The following LSS variants were observed in gnomAD, a reference collection of about 807,000 sequenced individuals.
LSS encodes the protein 2,3-epoxysqualene-lanosterol cyclase.
Under a neutral mutation model 110.3 loss-of-function variants are expected in LSS, and 90 were observed. The observed-to-expected ratio is 0.82, with a 90% CI of 0.69 to 0.97. The LOEUF is 0.97. Among genes scored for constraint, LSS ranks in the 50% least tolerant of loss-of-function variants. LSS has a pLI of 0.00. For synonymous variants in LSS, 433 were observed against 400.0 expected (o/e 1.08, Z -0.98); for missense variants, 927 against 990.0 (o/e 0.94, Z 0.85).
intron 3 of LSS, chr21:46,225,246 A>C (rs755113305): frequency 2.0e-5 from 6 of 298,084 alleles, no homozygotes; most frequent in Admixed American, 4.0e-5. Flanking sequence ...CAGAGATAGG[A>C]GCTGAAGAGA....
At position 46,223,695 on chromosome 21, in the gene LSS, AC is replaced by A. The variant is rs537260394; in HGVS notation, c.320-958del. ...TAATAATCCTCGCTCTACAATCATA[AC>A]CTAGGAAAAACCAGGCCATACAGAG... On this transcript the variant is annotated intron_variant, in intron 3 of 21. Transcript: ENST00000397728. Among the ~76,000 whole-genome samples the A allele has an allele frequency of 8.4e-3, 1,282 of 152,334 alleles. 13 individuals carry two copies. Among genetic ancestry groups the A allele is most frequent in the African/African-American group, 0.029 (1,226 of 41,566 alleles).
intron 3 of LSS, among the ~76,000 whole-genome samples, chr21:46,226,135 CAAAA>C (rs60505491): frequency 7.3e-6 from 1 of 136,448 alleles, no homozygotes; most frequent in Non-Finnish European, 1.6e-5. Flanking sequence ...AACGCTGTCT[CAAAA>C]AAAAAAAAAA....
Position 46,188,581 on chromosome 21 carries a change from G to T in LSS, c.*2523C>A. The stretch of plus-strand genomic sequence containing the variant: ...CAGGGTGATGAGTCATCTGGGACAG[G>T]TCACCCTCCCAGCACCGAGAAGCCG... On this transcript the variant is annotated 3_prime_UTR_variant, in exon 22 of 22. Transcript: ENST00000397728. 2.1e-6 allele frequency: 1 copy of T among 467,892 alleles called. No individual in the cohort carries two copies. The allele number at this position is 467,892 out of a possible 1,614,324, so 29.0% of individuals were successfully genotyped here. A position where few individuals can be genotyped will look rare whatever the true frequency, so the allele number is the denominator to read the frequency against.
chr21:46,194,751 G>A (rs748518890), intron 19 of LSS, 90 bp from the exon 20 acceptor site: 2 of 1,360,384 alleles, frequency 1.5e-6, no homozygotes, highest in Non-Finnish European at 2.0e-6. Flanking sequence ...TTGGGGTACG[G>A]GGAGGAGCCT....
chr21:46,213,787 C>G lies in LSS; in HGVS notation c.1060G>C (p.Ala354Pro), dbSNP rs369138798. ...ACATGCTCCTGGAAGGCAGTGGAGG[C>G]GGGCCCGTCCACATACCAGCGCACA... Reference protein sequence around the residue: ...MLVRWYVDGPASTAFQEHVSR... With the variant: ...MLVRWYVDGPPSTAFQEHVSR... The change falls in exon 10 of 22, where the codon GCC becomes CCC. Residue 354 changes from alanine (A) to proline (P), a missense_variant. Physicochemically the swap from Ala to Pro is conservative, Grantham distance 27 (BLOSUM62 -1). Coordinates refer to ENST00000397728, the MANE Select transcript of LSS (RefSeq NM_002340.6). 1.2e-6 allele frequency: 2 copies of G among 1,614,030 alleles called. No individual in the cohort carries two copies. The highest frequency in any genetic ancestry group is 2.2e-5 in the South Asian group (2 of 91,062).
chr21:46,192,803 T>G (rs745805994), intron 20 of LSS: 2 of 444,086 alleles, frequency 4.5e-6, no homozygotes, highest in African/African-American at 4.2e-5. Context: ...TAGACCTGTG[T>G]GTACATCTGT....
chr21:46,197,611 G>A (rs961402068), intron 17 of LSS, among the ~76,000 whole-genome samples: 1 of 152,160 alleles, frequency 6.6e-6, no homozygotes, highest in South Asian at 2.1e-4. Context: ...AACTGCTGCC[G>A]GGCGCAGTGG....
chr21:46,193,058 GTA>G, intron 20 of LSS: 1 of 431,256 alleles, frequency 2.3e-6, no homozygotes, highest in Non-Finnish European at 4.6e-6. Flanking sequence ...CTCCATGTAC[GTA>G]TGTCTGTGTG....
In LSS at chr21:46,215,812, G is replaced by C; in HGVS notation, c.784-19C>G. On this transcript the variant is annotated intron_variant, in intron 7 of 21. Coordinates refer to ENST00000397728, the MANE Select transcript of LSS (RefSeq NM_002340.6). Reference sequence around the variant, plus strand: ...AGAGCTCCTGGTGGGGGCAGTGTCTGAGCCTTGGGGCCTGGGAGCACCTGG... The same window carrying C: ...AGAGCTCCTGGTGGGGGCAGTGTCTCAGCCTTGGGGCCTGGGAGCACCTGG... 3 of 1,541,734 alleles carry C rather than the reference G, an allele frequency of 1.9e-6. No individual in the cohort carries two copies. In the South Asian group the frequency reaches 3.4e-5, roughly 18 times the overall value.
At chr21:46,211,269 G>T (rs1416417327) in intron 11 of LSS, among the ~76,000 whole-genome samples, 2 of 152,200 alleles carry the variant, frequency 1.3e-5, no homozygotes, top group African/African-American at 4.8e-5. Flanking sequence ...TGGGATTACA[G>T]GCTCCTGCCA....
rs778942102 is a variant in LSS, at chr21:46,208,240, C to T, written c.1317+11G>A. The T allele has an allele frequency of 7.7e-6, 12 of 1,551,772 alleles. No homozygotes were observed. In the South Asian group the frequency reaches 1.3e-4, roughly 17 times the overall value. On this transcript the variant is annotated intron_variant, in intron 14 of 21. Coordinates refer to ENST00000397728, the MANE Select transcript of LSS (RefSeq NM_002340.6). ...GGGGACGGGACAGGGATGGGGCTGG[C>T]TCCCGCATACCTTGCGCATCTGGCG... is the stretch of plus-strand genomic sequence containing the variant.
In LSS at chr21:46,216,504, G is replaced by T; in HGVS notation, c.668C>A (p.Pro223Gln). ...PEMWLFPDWAPAHPSTLWCHC... is the reference protein window; with the variant it reads ...PEMWLFPDWAQAHPSTLWCHC... ...GCACCAGAGTGTGGAGGGGTGTGCC[G>T]GTGCCCAGTCAGGAAACAGCCTGGG... is the stretch of plus-strand genomic sequence containing the variant. The change falls in exon 7 of 22, where the codon CCG (proline) becomes CAG (glutamine). Residue 223 changes from proline (P) to glutamine (Q), a missense_variant. By Grantham distance (76) the Pro-to-Gln change is moderately conservative. Coordinates refer to ENST00000397728, the MANE Select transcript of LSS (RefSeq NM_002340.6). This position sits in a 1 kb window ranked among gnomAD's most constrained non-coding sequence, Gnocchi z 4.2. The T allele has an allele frequency of 6.2e-7, 1 of 1,606,932 alleles. No individual in the cohort carries two copies. The highest frequency in any genetic ancestry group is 1.1e-5 in the South Asian group (1 of 90,700).
chr21:46,195,820 A>T (rs964442206), intron 18 of LSS, 64 bp from the exon 19 acceptor site: 2 of 1,361,200 alleles, frequency 1.5e-6, no homozygotes, highest in African/African-American at 2.9e-5. Flanking sequence ...GTGAAACAAC[A>T]CGCATTCTGC....
At chr21:46,217,547 T>G (rs866252210) in intron 6 of LSS, among the ~76,000 whole-genome samples, 9 of 151,070 alleles carry the variant, frequency 6.0e-5, no homozygotes, top group Middle Eastern at 6.3e-3. Flanking sequence ...TAAAAGGGTG[T>G]TTTTTTTTCT....
intron 6 of LSS, 43 bp downstream of exon 6, chr21:46,219,433 G>T: frequency 6.8e-7 from 1 of 1,460,276 alleles, no homozygotes; most frequent in Non-Finnish European, 9.3e-7. Context: ...TACTCCCCGG[G>T]ACAGCAGCAG....
chr21:46,217,111 G>A (rs1468861287), intron 6 of LSS, among the ~76,000 whole-genome samples: 1 of 152,006 alleles, frequency 6.6e-6, no homozygotes, highest in Non-Finnish European at 1.5e-5. Flanking sequence ...GCCAGGCATG[G>A]TGGTGTGTGC....
At chr21:46,217,041 G>GT (rs2080215755) in intron 6 of LSS, among the ~76,000 whole-genome samples, 1 of 152,116 alleles carries the variant, frequency 6.6e-6, no homozygotes, top group Non-Finnish European at 1.5e-5. Flanking sequence ...GAGGTCAGGA[G>GT]TTTGAGACCA....
chr21:46,217,083 C>A (rs375938869), intron 6 of LSS, among the ~76,000 whole-genome samples: 290 of 151,992 alleles, frequency 1.9e-3, no homozygotes, highest in African/African-American at 6.5e-3. Context: ...CCCATCTCTA[C>A]TAAAAATACA....
intron 3 of LSS, among the ~76,000 whole-genome samples, chr21:46,224,028 C>T (rs2080308649): frequency 6.6e-6 from 1 of 152,208 alleles, no homozygotes; most frequent in Admixed American, 6.5e-5. Flanking sequence ...ATCCGGAGGC[C>T]TGTCTCCCTG....
Sources: allele counts gnomAD v4.1 joint callset (sites outside exome capture counted in the v4.1 genomes callset), GRCh38; gene constraint gnomAD v4.1.1; non-coding constraint Gnocchi (gnomAD v3.1); transcripts MANE v1.5; gene names NCBI Gene and HGNC (gene_info 2026-07-23, HGNC 2026-07-21).